Variants in PPP6R2 observed in about 807,000 individuals in gnomAD.
The protein encoded by PPP6R2 is protein phosphatase 6 regulatory subunit 2, also known as serine/threonine-protein phosphatase 6 regulatory subunit 2.
PPP6R2 carries 62 observed loss-of-function variants against 100.2 expected under a neutral mutation model. That is an observed-to-expected ratio of 0.62 (90% CI 0.50 to 0.76). PPP6R2 has a LOEUF of 0.76. Among genes scored for constraint, PPP6R2 ranks in the 30% least tolerant of loss-of-function variants. The probability of loss-of-function intolerance (pLI) is 0.00; values close to 1 mark genes in which losing one functional copy is unlikely to be tolerated. For synonymous variants in PPP6R2, 525 were observed against 514.7 expected (o/e 1.02, Z -0.27); for missense variants, 1,142 against 1,276.3 (o/e 0.89, Z 1.60).
intron 6 of PPP6R2, among the ~76,000 whole-genome samples, chr22:50,416,665 G>C (rs2060581764): frequency 6.6e-6 from 1 of 151,778 alleles, no homozygotes; most frequent in Non-Finnish European, 1.5e-5. Flanking sequence ...AATAATCTAT[G>C]TGTATTATAA....
chr22:50,415,777 C>T (rs544653805), intron 5 of PPP6R2, among the ~76,000 whole-genome samples: 4 of 152,220 alleles, frequency 2.6e-5, no homozygotes, highest in African/African-American at 2.4e-5. Flanking sequence ...CAGCATCCAG[C>T]GGGGCTCCTG....
chr22:50,380,844 C>A (rs2052729867), intron 2 of PPP6R2, among the ~76,000 whole-genome samples: 1 of 151,368 alleles, frequency 6.6e-6, no homozygotes, highest in Admixed American at 6.6e-5. Flanking sequence ...AAAAAATTAG[C>A]CGGGCGTGGT....
chr22:50,335,678 A>ATTTTTT, the PPP6R2 span, among the ~76,000 whole-genome samples: 3 of 128,978 alleles, frequency 2.3e-5, no homozygotes, highest in South Asian at 7.6e-4. Context: ...CACCCAACTA[A>ATTTTTT]TTTTTTTTTT....
chr22:50,394,413 A>C (rs2056296744), intron 3 of PPP6R2, among the ~76,000 whole-genome samples: 1 of 148,874 alleles, frequency 6.7e-6, no homozygotes, highest in Non-Finnish European at 1.5e-5. Context: ...TGGGCAACAT[A>C]GTGCGACCCT....
At chr22:50,428,249 T>G (rs1312351657) in intron 10 of PPP6R2, among the ~76,000 whole-genome samples, 1 of 152,258 alleles carries the variant, frequency 6.6e-6, no homozygotes, top group Non-Finnish European at 1.5e-5. Flanking sequence ...TTCTTCTGGA[T>G]GCTGTCATAT....
At chr22:50,360,400 T>C (rs2047554367) in intron 1 of PPP6R2, among the ~76,000 whole-genome samples, 2 of 150,880 alleles carry the variant, frequency 1.3e-5, no homozygotes, top group South Asian at 4.2e-4. Context: ...GCTGCCCACT[T>C]GGAAGTGCAA....
intron 2 of PPP6R2, among the ~76,000 whole-genome samples, chr22:50,388,332 TGCAGTGTGCCAAAATCCCA>T (rs2054678206): frequency 2.0e-5 from 3 of 149,224 alleles, no homozygotes; most frequent in Middle Eastern, 3.5e-3. Context: ...AGGTTGAGGC[TGCAGTGTGCCAAAATCCCA>T]CCACTACACT....
At chr22:50,380,563 G>A (rs1263442533) in intron 2 of PPP6R2, among the ~76,000 whole-genome samples, 1 of 150,930 alleles carries the variant, frequency 6.6e-6, no homozygotes, top group African/African-American at 2.4e-5. Context: ...GTTTCACTAC[G>A]TTGGCCGGGC....
intron 2 of PPP6R2, 176 bp from the exon 3 acceptor site, chr22:50,393,717 G>A (rs1376054660): frequency 2.0e-6 from 2 of 985,218 alleles, no homozygotes; most frequent in South Asian, 4.7e-5. Flanking sequence ...CCACCATCCT[G>A]AGCTCTGGGA....
the PPP6R2 span, among the ~76,000 whole-genome samples, chr22:50,338,151 GTA>G: frequency 6.9e-6 from 1 of 144,218 alleles, no homozygotes. Context: ...AGTGTGTGTG[GTA>G]TGTGTGTGCG....
chr22:50,338,285 T>TTGTGGTGTGTAGTGTGTGATGTGTG, the PPP6R2 span, among the ~76,000 whole-genome samples: 1 of 108,826 alleles, frequency 9.2e-6, no homozygotes, highest in Non-Finnish European at 1.9e-5. Flanking sequence ...TGTGGTGTGT[T>TTGTGGTGTGTAGTGTGTGATGTGTG]TGTGGTGTGT....
At chr22:50,438,991 C>CACGTT (rs1370086482) in intron 19 of PPP6R2, among the ~76,000 whole-genome samples, 1 of 152,218 alleles carries the variant, frequency 6.6e-6, no homozygotes, top group Non-Finnish European at 1.5e-5. Context: ...GTCACTCAGC[C>CACGTT]ACGTTGCCAA....
At position 50,394,049 on chromosome 22, in the gene PPP6R2, C is replaced by T. The variant is rs1318830025; in HGVS notation, c.141C>T (p.Phe47=). 3.7e-6 allele frequency: 6 copies of T among 1,614,192 alleles called. No homozygotes were observed. The highest frequency in any genetic ancestry group is 3.3e-5 in the Admixed American group (2 of 60,018). The part of the protein sequence containing the change: ...CKAQNQKLLD[F]LCRQQCMEEL... ...CTCAGAACCAGAAGCTGCTGGACTT[C>T]CTGTGCAGGCAGCAGTGCATGGAGG... is the stretch of plus-strand genomic sequence containing the variant. Residue 47 remains phenylalanine (F), a synonymous_variant, in exon 3 of 24, where the codon TTC becomes TTT. Coordinates refer to ENST00000612753, the MANE Select transcript of PPP6R2 (RefSeq NM_001242898.2).
intron 1 of PPP6R2, among the ~76,000 whole-genome samples, chr22:50,353,620 C>T (rs1602123053): frequency 1.3e-5 from 2 of 152,122 alleles, no homozygotes; most frequent in South Asian, 2.1e-4. Context: ...CACCCCTCGA[C>T]GTGCTTGACG....
intron 8 of PPP6R2, among the ~76,000 whole-genome samples, chr22:50,421,467 C>T (rs929266418): frequency 6.6e-6 from 1 of 152,232 alleles, no homozygotes; most frequent in African/African-American, 2.4e-5. Context: ...CTGTCCCCCC[C>T]AAAGTGCTGG....
chr22:50,333,951 T>C, the PPP6R2 span, among the ~76,000 whole-genome samples: 1 of 152,230 alleles, frequency 6.6e-6, no homozygotes, highest in Admixed American at 6.5e-5. Context: ...GGCCCTTCCC[T>C]ATTTGGTAGC....
At chr22:50,407,023 G>T (rs2059056837) in intron 4 of PPP6R2, 148 bp downstream of exon 4, 1 of 860,198 alleles carries the variant, frequency 1.2e-6, no homozygotes, top group Non-Finnish European at 1.8e-6. Flanking sequence ...GCAGTGTGTG[G>T]GTTTTGCCAG....
intron 3 of PPP6R2, among the ~76,000 whole-genome samples, chr22:50,394,461 T>G (rs1252175650): frequency 1.3e-5 from 2 of 150,824 alleles, no homozygotes; most frequent in Admixed American, 6.6e-5. Context: ...TAGCCAGATG[T>G]GGTGTTGTAG....
intron 1 of PPP6R2, among the ~76,000 whole-genome samples, chr22:50,369,237 TAA>T (rs201345413): frequency 3.5e-5 from 5 of 141,370 alleles, no homozygotes; most frequent in Admixed American, 2.1e-4. Context: ...AAATTCCATC[TAA>T]AAAAAAAAAA....
Sources: gnomAD v4.1 joint callset for allele counts (sites outside exome capture counted in the v4.1 genomes callset) on GRCh38, gnomAD v4.1.1 for gene constraint, MANE v1.5 for transcripts, NCBI Gene and HGNC (gene_info 2026-07-23, HGNC 2026-07-21) for gene names.